The following C2CD5 variants were observed in gnomAD, a reference collection of about 807,000 sequenced individuals.
C2CD5 encodes the protein C2 domain-containing protein 5.
In C2CD5, 109 loss-of-function variants were observed where a neutral mutation model predicts 130.3. The observed-to-expected ratio is 0.84, with a 90% CI of 0.72 to 0.98. C2CD5 has a LOEUF of 0.98. Among genes scored for constraint, C2CD5 ranks in the 50% least tolerant of loss-of-function variants. The pLI, the probability that C2CD5 is intolerant of heterozygous loss-of-function variation, is 0.00. For missense variants in C2CD5, 996 were observed against 1,261.8 expected, an observed-to-expected ratio of 0.79 and a Z score of 3.19; for synonymous variants, 454 against 429.2, an observed-to-expected ratio of 1.06 and a Z score of -0.71.
intron 9 of C2CD5, 139 bp downstream of exon 9, chr12:22,513,155 A>C: frequency 3.7e-6 from 2 of 535,178 alleles, no homozygotes; most frequent in Non-Finnish European, 6.7e-6. Context: ...TGACACCTTA[A>C]ATCCATTTTG....
rs958617882 is a variant in C2CD5 at position 22,472,455 on chromosome 12, T to G, written c.2108-108A>C. On this transcript the variant is annotated intron_variant, in intron 17 of 26. Transcript: ENST00000446597. ...AAGTTCTAACTATAACACCCTTCAT[T>G]TTTTTTCTTCTAAAACTATACCTGC... is the stretch of plus-strand genomic sequence containing the variant. 6.0e-6 allele frequency: 4 copies of G among 667,206 alleles called. No individual in the cohort carries two copies. In the African/African-American group the frequency reaches 7.4e-5, roughly 12 times the overall value. 41.3% of individuals were successfully genotyped at this position (667,206 alleles called of 1,614,324 possible). A position where few individuals can be genotyped will look rare whatever the true frequency, so the allele number is the denominator to read the frequency against.
intron 2 of C2CD5, among the ~76,000 whole-genome samples, chr12:22,537,070 T>C (rs1003633858): frequency 3.3e-5 from 5 of 152,224 alleles, no homozygotes; most frequent in African/African-American, 4.8e-5. Context: ...CTTAAGGGTT[T>C]TGGCTCAACT....
intron 4 of C2CD5, among the ~76,000 whole-genome samples, chr12:22,527,332 T>TATATATA (rs199674957): frequency 1.9e-5 from 2 of 107,560 alleles, no homozygotes; most frequent in African/African-American, 7.9e-5. Flanking sequence ...ATATATATAT[T>TATATATA]TTTTTTTTTT....
chr12:22,472,278 A>G lies in C2CD5; in HGVS notation c.2169+8T>C. 6.9e-7 allele frequency: 1 copy of G among 1,453,470 alleles called. No individual in the cohort carries two copies. Among genetic ancestry groups the G allele is most frequent in the Non-Finnish European group, 9.5e-7 (1 of 1,056,526 alleles). 90.0% of individuals were successfully genotyped at this position (1,453,470 alleles called of 1,614,324 possible). A position where few individuals can be genotyped will look rare whatever the true frequency, so the allele number is the denominator to read the frequency against. Reference sequence around the variant, plus strand: ...TTATGTGCTTAAAATTAAGAAAAAAAGGTTTACCTGTATTTCAGAGGTCCA... The same window carrying G: ...TTATGTGCTTAAAATTAAGAAAAAAGGGTTTACCTGTATTTCAGAGGTCCA... On this transcript the variant is annotated splice_region_variant and intron_variant, in intron 18 of 26. Coordinates refer to ENST00000446597, the MANE Select transcript of C2CD5 (RefSeq NM_001286176.2).
chr12:22,516,963 T>G (rs1010798227), intron 8 of C2CD5, among the ~76,000 whole-genome samples: 4 of 151,934 alleles, frequency 2.6e-5, no homozygotes, highest in African/African-American at 4.8e-5. Context: ...GAAGCTGTTA[T>G]CTTCAAGAAA....
At chr12:22,477,474 G>A (rs967421900) in intron 15 of C2CD5, 3 of 151,920 alleles carry the variant, frequency 2.0e-5, no homozygotes, top group Admixed American at 6.6e-5. Flanking sequence ...TAGATAAGAC[G>A]TTTAAAATAA....
At position 22,525,031 on chromosome 12, in the gene C2CD5, G is replaced by A. The variant is rs369732470; in HGVS notation, c.446-404C>T. ...TAATTATTCAAAGCCCTTTGTAAAA[G>A]TACTTCTGTACACCACATAGCAGTT... On this transcript the variant is annotated intron_variant, in intron 5 of 26. Coordinates refer to ENST00000446597, the MANE Select transcript of C2CD5 (RefSeq NM_001286176.2). Among the ~76,000 whole-genome samples the A allele has an allele frequency of 2.2e-4, 33 of 152,214 alleles. 1 individual carries two copies. The East Asian group carries it at 2.5e-3, about 12-fold the overall frequency.
intron 24 of C2CD5, among the ~76,000 whole-genome samples, chr12:22,457,735 G>C (rs1305705614): frequency 6.6e-6 from 1 of 151,732 alleles, no homozygotes. Context: ...TTAAATAACT[G>C]CCATAAGCCA....
At chr12:22,534,206 G>A (rs894767421) in intron 3 of C2CD5, among the ~76,000 whole-genome samples, 3 of 152,062 alleles carry the variant, frequency 2.0e-5, no homozygotes, top group East Asian at 1.9e-4. Flanking sequence ...AAGGAATGAA[G>A]TTGGCCTCTT....
intron 7 of C2CD5, among the ~76,000 whole-genome samples, 172 bp from the exon 8 acceptor site, chr12:22,518,309 T>C (rs1179802961): frequency 6.6e-6 from 1 of 151,942 alleles, no homozygotes; most frequent in Non-Finnish European, 1.5e-5. Context: ...CATTCATCAC[T>C]CTCCAGATAA....
intron 14 of C2CD5, among the ~76,000 whole-genome samples, chr12:22,481,242 A>G (rs996771032): frequency 6.6e-6 from 1 of 152,180 alleles, no homozygotes; most frequent in African/African-American, 2.4e-5. Context: ...TTTTGCTCTT[A>G]AAGAAAGATG....
At position 22,544,192 on chromosome 12, in the gene C2CD5, A is replaced by G. The variant is rs767525880; in HGVS notation, c.-29-13T>C. 3.8e-6 allele frequency: 6 copies of G among 1,588,810 alleles called. No individual in the cohort carries two copies. Among genetic ancestry groups the G allele is most frequent in the Admixed American group, 1.7e-5 (1 of 59,888 alleles). ...TCTTCTTGGGCTCCTGCAGAAACAA[A>G]CAAACGAGTCTGCGCCGAGCGCGGG... On this transcript the variant is annotated splice_polypyrimidine_tract_variant and intron_variant, in intron 1 of 26. Transcript: ENST00000446597.
At chr12:22,540,791 G>A (rs1352842644) in intron 2 of C2CD5, among the ~76,000 whole-genome samples, 3 of 152,138 alleles carry the variant, frequency 2.0e-5, no homozygotes, top group East Asian at 1.9e-4. Context: ...CCCAGGTGAC[G>A]GAAGTTGCAG....
chr12:22,489,626 G>T (rs545099949), intron 12 of C2CD5, among the ~76,000 whole-genome samples: 1 of 152,138 alleles, frequency 6.6e-6, no homozygotes, highest in African/African-American at 2.4e-5. Flanking sequence ...GCAGGTTTTG[G>T]TATCTGCAAG....
intron 15 of C2CD5, among the ~76,000 whole-genome samples, chr12:22,477,616 T>C (rs1468229664): frequency 6.6e-6 from 1 of 152,158 alleles, no homozygotes; most frequent in African/African-American, 2.4e-5. Context: ...TTTGTGAAAG[T>C]CTTTCATTAT....
rs556512775 is a variant in C2CD5, at chr12:22,472,123, G to A, written c.2170-58C>T. The A allele has an allele frequency of 4.6e-5, 50 of 1,080,266 alleles. 1 individual carries two copies. In the South Asian group the frequency reaches 6.4e-4, roughly 14 times the overall value. 66.9% of individuals were successfully genotyped at this position (1,080,266 alleles called of 1,614,324 possible). On this transcript the variant is annotated intron_variant, in intron 18 of 26. Transcript: ENST00000446597. ...TTATTTTTAACTAAATATTTTAACA[G>A]TTGATAAATTGCCAAATAATGAACA...
intron 25 of C2CD5, among the ~76,000 whole-genome samples, chr12:22,454,516 A>C (rs917588574): frequency 6.6e-6 from 1 of 151,898 alleles, no homozygotes; most frequent in African/African-American, 2.4e-5. Flanking sequence ...CAAATGCACA[A>C]GCACTCTTCC....
rs1236220263 is a variant in C2CD5 at position 22,459,554 on chromosome 12, A to T, written c.2534-12T>A. On this transcript the variant is annotated splice_polypyrimidine_tract_variant and intron_variant, in intron 22 of 26. Transcript: ENST00000446597. ...ACTCTCCAGGTGTTCTAATAAGACA[A>T]TATGAACAACATTAGCTCAGATGCT... 5.3e-6 allele frequency: 8 copies of T among 1,510,046 alleles called. No homozygotes were observed. Among genetic ancestry groups the T allele is most frequent in the Non-Finnish European group, 7.1e-6 (8 of 1,123,570 alleles). The allele number at this position is 1,510,046 out of a possible 1,614,324, so 93.5% of individuals were successfully genotyped here. A position where few individuals can be genotyped will look rare whatever the true frequency, so the allele number is the denominator to read the frequency against.
chr12:22,517,954 G>T, intron 8 of C2CD5, 32 bp downstream of exon 8: 1 of 1,548,198 alleles, frequency 6.5e-7, no homozygotes, highest in Non-Finnish European at 8.7e-7. Flanking sequence ...TTTTAAAAAA[G>T]AAAAAATAAA....
Sources: gnomAD v4.1 joint callset for allele counts (sites outside exome capture counted in the v4.1 genomes callset) on GRCh38, gnomAD v4.1.1 for gene constraint, MANE v1.5 for transcripts, NCBI Gene and HGNC (gene_info 2026-07-23, HGNC 2026-07-21) for gene names.